MAP2K5: variants seen among roughly 807,000 people sequenced by gnomAD.
MAP2K5 encodes the protein dual specificity mitogen-activated protein kinase kinase 5.
A neutral mutation model predicts 83.1 loss-of-function variants in MAP2K5; 49 were observed. The ratio of observed to expected loss-of-function variants is 0.59; its 90% CI spans 0.47 to 0.75. The LOEUF (loss-of-function observed/expected upper bound fraction) is 0.75. Ranked by LOEUF, MAP2K5 falls within the 30% of genes least tolerant of loss-of-function variation. The pLI, the probability that MAP2K5 is intolerant of heterozygous loss-of-function variation, is 0.00. For synonymous variants in MAP2K5, 202 were observed against 191.8 expected (o/e 1.05, Z -0.44); for missense variants, 457 against 557.5 (o/e 0.82, Z 1.82).
rs760502512 is a variant in MAP2K5, at chr15:67,769,682, A to T, written c.1196+19A>T. On this transcript the variant is annotated intron_variant, in intron 20 of 21. Coordinates refer to ENST00000178640, the MANE Select transcript of MAP2K5 (RefSeq NM_145160.3). The surrounding 1 kb of genome is among the most constrained non-coding windows in gnomAD (Gnocchi z 5.2). The stretch of plus-strand genomic sequence containing the variant: ...CTCAGTGGTGAGCCCGTTTACAAAC[A>T]TGCCATGCCCTCAATGTAAATGATA... The T allele has an allele frequency of 4.3e-6, 7 of 1,612,830 alleles. No homozygotes were observed. In the Admixed American group the frequency reaches 1.2e-4, roughly 27 times the overall value.
chr15:67,602,750 C>T (rs1223100030), intron 8 of MAP2K5, among the ~76,000 whole-genome samples: 1 of 152,212 alleles, frequency 6.6e-6, no homozygotes, highest in South Asian at 2.1e-4. Flanking sequence ...CAACCTCTGC[C>T]TCCCAGGATT....
chr15:67,622,849 A>G (rs1374771798), intron 8 of MAP2K5, among the ~76,000 whole-genome samples: 1 of 152,248 alleles, frequency 6.6e-6, no homozygotes, highest in Admixed American at 6.5e-5. Flanking sequence ...CTGTAATCCC[A>G]GCACTTTGGG....
At chr15:67,576,248 C>T (rs1425045335) in intron 3 of MAP2K5, among the ~76,000 whole-genome samples, 1 of 147,120 alleles carries the variant, frequency 6.8e-6, no homozygotes, top group East Asian at 2.1e-4. Context: ...ATTTGTGCCT[C>T]ATAAACTTAA....
intron 7 of MAP2K5, among the ~76,000 whole-genome samples, chr15:67,600,159 T>G (rs1321950577): frequency 1.3e-5 from 2 of 152,226 alleles, no homozygotes; most frequent in Non-Finnish European, 2.9e-5. Context: ...TATACTAGTT[T>G]GTTATTTGCA....
intron 3 of MAP2K5, among the ~76,000 whole-genome samples, chr15:67,578,035 A>G (rs1002073560): frequency 2.6e-5 from 4 of 152,154 alleles, no homozygotes; most frequent in African/African-American, 9.7e-5. Flanking sequence ...TTTGCAGTTT[A>G]TTACTTGCTG....
At chr15:67,706,308 A>T (rs1052870576) in intron 16 of MAP2K5, among the ~76,000 whole-genome samples, 1 of 152,242 alleles carries the variant, frequency 6.6e-6, no homozygotes, top group African/African-American at 2.4e-5. Context: ...GAGATAAACT[A>T]TTGAATATTC....
At chr15:67,798,281 G>A (rs1048432139) in intron 21 of MAP2K5, among the ~76,000 whole-genome samples, 5 of 152,210 alleles carry the variant, frequency 3.3e-5, no homozygotes, top group African/African-American at 9.7e-5. Context: ...GAGGCAGCCA[G>A]CATATCCCCC....
Position 67,562,002 on chromosome 15 carries a change from G to A in MAP2K5, c.185-1281G>A, listed in dbSNP as rs2084746462. Among the ~76,000 whole-genome samples, 1 of 152,154 alleles carries A rather than the reference G, an allele frequency of 6.6e-6. No individual in the cohort carries two copies. Among genetic ancestry groups the A allele is most frequent in the Non-Finnish European group, 1.5e-5 (1 of 68,030 alleles). On this transcript the variant is annotated intron_variant, in intron 2 of 21. Transcript: ENST00000178640. The surrounding 1 kb of genome is among the most constrained non-coding windows in gnomAD (Gnocchi z 4.1). ...CTTCATGATGAGAGATTTGTCTGAG[G>A]TTCTCCAGGCTTGGGATCAGAACAG...
intron 2 of MAP2K5, among the ~76,000 whole-genome samples, chr15:67,556,581 T>C (rs1346175653): frequency 2.0e-5 from 3 of 151,358 alleles, no homozygotes; most frequent in African/African-American, 7.3e-5. Flanking sequence ...AGATGGAGTC[T>C]TGCTCTGTCG....
Position 67,785,988 on chromosome 15 carries a change from A to C in MAP2K5, c.1242+13236A>C, listed in dbSNP as rs914543632. 6.6e-6 allele frequency among the ~76,000 whole-genome samples: 1 copy of C among 150,984 alleles called. No homozygotes were observed. Among genetic ancestry groups the C allele is most frequent in the Admixed American group, 6.6e-5 (1 of 15,128 alleles). On this transcript the variant is annotated intron_variant, in intron 21 of 21. Transcript: ENST00000178640. The surrounding 1 kb of genome is among the most constrained non-coding windows in gnomAD (Gnocchi z 4.4). ...TCTGTAAAATGGGGTAATGATACCA[A>C]CTTCACAGGGGGCTTTTAGCTGTTA...
At chr15:67,711,692 C>A (rs1389983599) in intron 16 of MAP2K5, among the ~76,000 whole-genome samples, 1 of 139,366 alleles carries the variant, frequency 7.2e-6, no homozygotes, top group Non-Finnish European at 1.6e-5. Context: ...CACACACACA[C>A]AAAAGGATAA....
At position 67,764,876 on chromosome 15, in the gene MAP2K5, T is replaced by A. The variant is rs181720455; in HGVS notation, c.1135-4726T>A. Among the ~76,000 whole-genome samples, 1 of 152,258 alleles carries A rather than the reference T, an allele frequency of 6.6e-6. No individual in the cohort carries two copies. Among genetic ancestry groups the A allele is most frequent in the Non-Finnish European group, 1.5e-5 (1 of 68,042 alleles). On this transcript the variant is annotated intron_variant, in intron 19 of 21. Transcript: ENST00000178640. The surrounding 1 kb of genome is among the most constrained non-coding windows in gnomAD (Gnocchi z 4.9). ...GTATTTATGCCAGCCTTCTCCCTTA[T>A]ACAAGCAGAGTTCTGCTAAGAATCT...
In MAP2K5 at chr15:67,587,485, C is replaced by T. The variant is rs1351141462; in HGVS notation, c.431+572C>T. ...GCAGAAGCTCCCATCTAATCCTGCC[C>T]TCCTTTAATGTTTGACTTCCTACTC... On this transcript the variant is annotated intron_variant, in intron 6 of 21. Transcript: ENST00000178640. This position sits in a 1 kb window ranked among gnomAD's most constrained non-coding sequence, Gnocchi z 4.8. 6.6e-6 allele frequency among the ~76,000 whole-genome samples: 1 copy of T among 152,148 alleles called. No individual in the cohort carries two copies. Among genetic ancestry groups the T allele is most frequent in the Non-Finnish European group, 1.5e-5 (1 of 68,024 alleles).
intron 8 of MAP2K5, among the ~76,000 whole-genome samples, chr15:67,627,290 GGTT>G (rs2086347955): frequency 6.6e-6 from 1 of 152,096 alleles, no homozygotes; most frequent in South Asian, 2.1e-4. Flanking sequence ...TAACCAATGA[GGTT>G]GTTATTTGAG....
Position 67,781,873 on chromosome 15 carries a change from G to T in MAP2K5, c.1242+9121G>T, listed in dbSNP as rs1198704807. ...GCAGGACTTTCTAATTGTGGGATTG[G>T]TGTGGCATTGACAAAAATTTGTATA... On this transcript the variant is annotated intron_variant, in intron 21 of 21. Transcript: ENST00000178640. This position sits in a 1 kb window ranked among gnomAD's most constrained non-coding sequence, Gnocchi z 4.0. 6.6e-6 allele frequency among the ~76,000 whole-genome samples: 1 copy of T among 152,170 alleles called. No individual in the cohort carries two copies. Among genetic ancestry groups the T allele is most frequent in the Non-Finnish European group, 1.5e-5 (1 of 68,022 alleles).
chr15:67,564,937 C>T lies in MAP2K5; in HGVS notation c.252+1587C>T, dbSNP rs77776478. 8.5e-5 allele frequency among the ~76,000 whole-genome samples: 13 copies of T among 152,248 alleles called. No individual in the cohort carries two copies. In the East Asian group the frequency reaches 2.5e-3, roughly 29 times the overall value. ...TTTTGAAAATGTTAGTGGGTGTGGT[C>T]ACAGTGATAATGATGATTTCCATTT... On this transcript the variant is annotated intron_variant, in intron 3 of 21. Transcript: ENST00000178640.
At chr15:67,585,076 C>CA (rs59012209) in intron 4 of MAP2K5, among the ~76,000 whole-genome samples, 76,907 of 122,058 alleles carry the variant, frequency 0.63, 24,557 homozygotes, top group Middle Eastern at 0.78. Context: ...GAGAGAGGAG[C>CA]AAAAAAAAAA....
intron 3 of MAP2K5, among the ~76,000 whole-genome samples, chr15:67,566,112 G>A (rs191985304): frequency 6.6e-6 from 1 of 152,298 alleles, no homozygotes; most frequent in Admixed American, 6.5e-5. Context: ...GCATAGGGAA[G>A]ATACTGACAG....
chr15:67,691,089 C>T (rs2088102416), intron 13 of MAP2K5, among the ~76,000 whole-genome samples: 1 of 152,170 alleles, frequency 6.6e-6, no homozygotes, highest in Non-Finnish European at 1.5e-5. Flanking sequence ...CTCTACAGTT[C>T]ACCCCTCATC....
Sources: gnomAD v4.1 joint callset for allele counts (sites outside exome capture counted in the v4.1 genomes callset) on GRCh38, gnomAD v4.1.1 for gene constraint, Gnocchi (gnomAD v3.1) non-coding constraint, MANE v1.5 for transcripts, NCBI Gene and HGNC (gene_info 2026-07-23, HGNC 2026-07-21) for gene names.